The following SBNO2 variants were observed in gnomAD, a reference collection of about 807,000 sequenced individuals.
SBNO2 encodes protein strawberry notch homolog 2.
A neutral mutation model predicts 146.3 loss-of-function variants in SBNO2; 89 were observed. The ratio of observed to expected loss-of-function variants is 0.61; its 90% CI spans 0.51 to 0.73. The LOEUF is 0.73. Ranked by LOEUF, SBNO2 falls within the 30% of genes least tolerant of loss-of-function variation. SBNO2 has a pLI of 0.00. For synonymous variants in SBNO2, 1,147 were observed against 892.6 expected, an observed-to-expected ratio of 1.29 and a Z score of -5.08; for missense variants, 2,092 against 2,003.7, an observed-to-expected ratio of 1.04 and a Z score of -0.84.
chr19:1,151,241 A>ACGGCG (rs1568621907), intron 2 of SBNO2, among the ~76,000 whole-genome samples: 1 of 150,638 alleles, frequency 6.6e-6, no homozygotes, highest in Non-Finnish European at 1.5e-5. Flanking sequence ...TCAGGCACAC[A>ACGGCG]CGGCGCCTTG....
chr19:1,112,174 C>A lies in SBNO2; in HGVS notation c.2628+15G>T. 1 of 1,582,614 alleles carries A rather than the reference C, an allele frequency of 6.3e-7. No individual in the cohort carries two copies. Among genetic ancestry groups the A allele is most frequent in the Non-Finnish European group, 8.6e-7 (1 of 1,164,120 alleles). On this transcript the variant is annotated intron_variant, in intron 22 of 31. Coordinates refer to ENST00000361757, the MANE Select transcript of SBNO2 (RefSeq NM_014963.3). The surrounding 1 kb of genome is among the most constrained non-coding windows in gnomAD (Gnocchi z 5.9). ...GGCCTGTCCCTGGTTCTCAGCCCCA[C>A]CCCCACCTGCTCACCAGACTCTCCA...
intron 4 of SBNO2, among the ~76,000 whole-genome samples, chr19:1,134,249 TCACAGCTCATAGGCACCTGGACC>T (rs2080065101): frequency 8.4e-6 from 1 of 119,610 alleles, no homozygotes; most frequent in South Asian, 2.7e-4. Flanking sequence ...ACGGGTGGAC[TCACAGCTCATAGGCACCTGGACC>T]CACAGCTCAC....
chr19:1,123,221 G>A (rs368165595), intron 7 of SBNO2, among the ~76,000 whole-genome samples, 176 bp from the exon 8 acceptor site: 5 of 151,910 alleles, frequency 3.3e-5, no homozygotes, highest in African/African-American at 1.2e-4. Context: ...GGGTGGAGGA[G>A]TGGTCAGGGC....
chr19:1,114,737 C>T (rs1275171310), intron 17 of SBNO2, among the ~76,000 whole-genome samples: 2 of 152,204 alleles, frequency 1.3e-5, no homozygotes, highest in Non-Finnish European at 2.9e-5. Context: ...TGGATTCAAG[C>T]GATTCTCCTG....
intron 2 of SBNO2, among the ~76,000 whole-genome samples, chr19:1,149,752 T>A (rs1434294229): frequency 6.6e-6 from 1 of 152,194 alleles, no homozygotes; most frequent in East Asian, 1.9e-4. Context: ...GGAGTCTGCA[T>A]CTCACACAAG....
At chr19:1,114,506 G>A (rs2079808127) in intron 17 of SBNO2, 84 bp from the exon 18 acceptor site, 7 of 1,208,770 alleles carry the variant, frequency 5.8e-6, no homozygotes, top group Admixed American at 2.8e-5. Flanking sequence ...GACAGAGCAA[G>A]GCCAGTGGTC....
At chr19:1,118,989 CG>C in intron 14 of SBNO2, 21 bp downstream of exon 14, 4 of 1,565,750 alleles carry the variant, frequency 2.6e-6, no homozygotes, top group Non-Finnish European at 3.5e-6. Context: ...CAGGGGTCCC[CG>C]GGTCGGGTGC....
intron 1 of SBNO2, among the ~76,000 whole-genome samples, chr19:1,170,668 A>G (rs1053197416): frequency 6.6e-6 from 1 of 152,046 alleles, no homozygotes; most frequent in Non-Finnish European, 1.5e-5. Context: ...ACACACGCAC[A>G]CATACAAAAC....
At chr19:1,120,362 T>C (rs2079886474) in intron 11 of SBNO2, among the ~76,000 whole-genome samples, 1 of 152,094 alleles carries the variant, frequency 6.6e-6, no homozygotes, top group Non-Finnish European at 1.5e-5. Context: ...CTGGAACCTG[T>C]TTTCTTTTTT....
chr19:1,124,645 G>A (rs1599842578), intron 5 of SBNO2, among the ~76,000 whole-genome samples: 1 of 152,228 alleles, frequency 6.6e-6, no homozygotes. Context: ...CTCTGTGAGA[G>A]ATGGGGCAAG....
rs951406261 is a variant in SBNO2 at position 1,112,499 on chromosome 19, G to C, written c.2418C>G (p.Val806=). The part of the protein sequence containing the change: ...AIISEASSSG[V]SLQADRRVQN... ...GGACACGGCGGTCGGCTTGGAGGGA[G>C]ACACCCGAGCTGGAGGCCTCCGAGA... is the stretch of plus-strand genomic sequence containing the variant. The change falls in exon 21 of 32, where the codon GTC becomes GTG. Residue 806 remains valine (V), a synonymous_variant. Coordinates refer to ENST00000361757, the MANE Select transcript of SBNO2 (RefSeq NM_014963.3). This position sits in a 1 kb window ranked among gnomAD's most constrained non-coding sequence, Gnocchi z 5.9. 2 of 1,605,912 alleles carry C rather than the reference G, an allele frequency of 1.2e-6. No individual in the cohort carries two copies. The highest frequency in any genetic ancestry group is 1.7e-5 in the Admixed American group (1 of 59,732).
intron 1 of SBNO2, among the ~76,000 whole-genome samples, chr19:1,164,944 G>C (rs2080397524): frequency 2.0e-5 from 3 of 149,908 alleles, no homozygotes; most frequent in African/African-American, 7.4e-5. Context: ...AGGAGGAGGA[G>C]GAGGAGGAAC....
At chr19:1,174,074 G>C (rs1421734926) in intron 1 of SBNO2, 98 bp downstream of exon 1, 1 of 149,582 alleles carries the variant, frequency 6.7e-6, no homozygotes, top group Non-Finnish European at 1.5e-5. Flanking sequence ...CCCAGCCCCG[G>C]GCGCAGGGGT....
At chr19:1,132,883 G>A (rs544765806) in intron 4 of SBNO2, among the ~76,000 whole-genome samples, 6 of 152,344 alleles carry the variant, frequency 3.9e-5, no homozygotes, top group South Asian at 4.1e-4. Flanking sequence ...CCCTGGGCAG[G>A]AACAAGTGGT....
chr19:1,146,510 G>A (rs1168554736), intron 4 of SBNO2, among the ~76,000 whole-genome samples: 3 of 152,102 alleles, frequency 2.0e-5, no homozygotes, highest in Admixed American at 6.6e-5. Flanking sequence ...CAGGGGAAGC[G>A]GAGGCTTGGG....
intron 1 of SBNO2, among the ~76,000 whole-genome samples, chr19:1,165,582 C>G (rs1343303794): frequency 6.6e-6 from 1 of 151,938 alleles, no homozygotes; most frequent in African/African-American, 2.4e-5. Flanking sequence ...AACCAGACCC[C>G]AGATCCCAGA....
At chr19:1,166,218 CCCGAGA>C (rs1181895025) in intron 1 of SBNO2, among the ~76,000 whole-genome samples, 5,179 of 75,352 alleles carry the variant, frequency 0.069, 416 homozygotes, top group East Asian at 0.095. Flanking sequence ...AGATCCCAGA[CCCGAGA>C]TTCCAGACCC....
At chr19:1,128,141 A>T in intron 4 of SBNO2, 1 of 477,862 alleles carries the variant, frequency 2.1e-6, no homozygotes, top group South Asian at 1.5e-5. Context: ...TCCGTCTCAA[A>T]AAAGAAAAAA....
chr19:1,112,652 G>A lies in SBNO2; in HGVS notation c.2380-115C>T, dbSNP rs951375889. ...GGTCACCAGGACGTCCCGGGGCAGCGAGAGGCCTGCGGGGCGCGGACACCA... is the reference window on the plus strand; with the variant it reads ...GGTCACCAGGACGTCCCGGGGCAGCAAGAGGCCTGCGGGGCGCGGACACCA... On this transcript the variant is annotated intron_variant, in intron 20 of 31. Transcript: ENST00000361757. This position sits in a 1 kb window ranked among gnomAD's most constrained non-coding sequence, Gnocchi z 5.9. 23 of 1,448,988 alleles carry A rather than the reference G, an allele frequency of 1.6e-5. No individual in the cohort carries two copies. Among genetic ancestry groups the A allele is most frequent in the African/African-American group, 9.9e-5 (7 of 70,542 alleles). 89.8% of individuals were successfully genotyped at this position (1,448,988 alleles called of 1,614,324 possible). A position where few individuals can be genotyped will look rare whatever the true frequency, so the allele number is the denominator to read the frequency against.
Sources: allele counts gnomAD v4.1 joint callset (sites outside exome capture counted in the v4.1 genomes callset), GRCh38; gene constraint gnomAD v4.1.1; non-coding constraint Gnocchi (gnomAD v3.1); transcripts MANE v1.5; gene names NCBI Gene and HGNC (gene_info 2026-07-23, HGNC 2026-07-21).